The following PRDM15 variants were observed in gnomAD, a reference collection of about 807,000 sequenced individuals.
PRDM15 encodes PR/SET domain 15, also known as PR domain zinc finger protein 15.
A neutral mutation model predicts 128.6 loss-of-function variants in PRDM15; 64 were observed. The ratio of observed to expected loss-of-function variants is 0.50; its 90% CI spans 0.41 to 0.61. PRDM15 has a LOEUF of 0.61. Among genes scored for constraint, PRDM15 ranks in the 20% least tolerant of loss-of-function variants. The pLI is 0.00. For synonymous variants in PRDM15, 615 were observed against 621.8 expected, an observed-to-expected ratio of 0.99 and a Z score of 0.16; for missense variants, 1,242 against 1,569.1, an observed-to-expected ratio of 0.79 and a Z score of 3.52.
intron 18 of PRDM15, among the ~76,000 whole-genome samples, chr21:41,817,674 G>A (rs901646504): frequency 6.6e-5 from 10 of 151,810 alleles, no homozygotes; most frequent in Non-Finnish European, 1.2e-4. Context: ...TACATGTTCC[G>A]ATATAAAAAG....
intron 1 of PRDM15, chr21:41,861,931 G>C: frequency 6.2e-7 from 1 of 1,613,610 alleles, no homozygotes; most frequent in South Asian, 1.1e-5. Context: ...ACACATTCAC[G>C]TTCAAAGGTA....
rs2063852046 is a variant in PRDM15 at position 41,862,497 on chromosome 21, AC to A, written c.-9-2126del. Among the ~76,000 whole-genome samples the A allele has an allele frequency of 6.6e-6, 1 of 152,122 alleles. No homozygotes were observed. The highest frequency in any genetic ancestry group is 1.5e-5 in the Non-Finnish European group (1 of 68,028). On this transcript the variant is annotated intron_variant, in intron 1 of 23. Coordinates refer to ENST00000398548, the MANE Select transcript of PRDM15 (RefSeq NM_001040424.3). This position sits in a 1 kb window ranked among gnomAD's most constrained non-coding sequence, Gnocchi z 4.1. ...CTGAGCGGAGCTGCTGGGAGAGGAA[AC>A]CCAGAAGAGAGGGGCGAGGGAAGCT...
chr21:41,852,354 T>A (rs2063455200), intron 5 of PRDM15, among the ~76,000 whole-genome samples: 1 of 152,214 alleles, frequency 6.6e-6, no homozygotes, highest in Admixed American at 6.5e-5. Context: ...CCTTCAGGAA[T>A]TCCAGACACA....
chr21:41,846,040 C>T (rs1404715365), intron 6 of PRDM15, among the ~76,000 whole-genome samples: 8 of 152,022 alleles, frequency 5.3e-5, no homozygotes, highest in African/African-American at 1.2e-4. Flanking sequence ...ATGACACATT[C>T]GTAAATTCAT....
chr21:41,849,418 A>G (rs919322333), intron 5 of PRDM15, among the ~76,000 whole-genome samples: 3 of 152,092 alleles, frequency 2.0e-5, no homozygotes, highest in African/African-American at 7.2e-5. Context: ...AAAATGCACA[A>G]ATTAGCCAGG....
intron 6 of PRDM15, among the ~76,000 whole-genome samples, 172 bp downstream of exon 6, chr21:41,846,918 A>G (rs1273813534): frequency 6.6e-6 from 1 of 152,238 alleles, no homozygotes; most frequent in East Asian, 1.9e-4. Context: ...GGGACTGCCC[A>G]GAAGCTTTAA....
intron 1 of PRDM15, chr21:41,867,472 G>T: frequency 2.0e-6 from 2 of 982,632 alleles, no homozygotes; most frequent in Non-Finnish European, 3.1e-6. Flanking sequence ...TCACTATGTT[G>T]CCCAGGCTGG....
At chr21:41,822,113 A>G in intron 14 of PRDM15, 76 bp from the exon 15 acceptor site, 1 of 1,588,084 alleles carries the variant, frequency 6.3e-7, no homozygotes, top group Non-Finnish European at 8.6e-7. Flanking sequence ...CGCAGGGACG[A>G]CCAATCATTT....
rs199654026 is a variant in PRDM15 at position 41,815,708 on chromosome 21, T to C, written c.2389A>G (p.Thr797Ala). ...VNMLKHCKRH[T>A]GIKDFMCELC... is the part of the protein sequence containing the mutation. The stretch of plus-strand genomic sequence containing the variant: ...GCGGCCCGGGCCTCGGACTCACCCG[T>C]GTGCCGCTTGCAGTGCTTGAGCATG... Residue 797 changes from threonine (T) to alanine (A), a missense_variant, in exon 19 of 24, where the codon ACG becomes GCG. This residue lies in a region of PRDM15 where 602 missense variants were observed against 788.3 expected (regional missense o/e 0.76). Transcript: ENST00000398548. 73 of 1,613,346 alleles carry C rather than the reference T, an allele frequency of 4.5e-5. No individual in the cohort carries two copies. Among genetic ancestry groups the C allele is most frequent in the Non-Finnish European group, 8.5e-7 (1 of 1,179,890 alleles).
In PRDM15 at chr21:41,878,758, G is replaced by C. The variant is rs1360054459; in HGVS notation, c.-10+512C>G. ...GGGACCCCCCCGTGCGACCCGCATGGGCTGTACCCGAGGGCGGGGGATAAC... is the reference window on the plus strand; with the variant it reads ...GGGACCCCCCCGTGCGACCCGCATGCGCTGTACCCGAGGGCGGGGGATAAC... On this transcript the variant is annotated intron_variant, in intron 1 of 23. Coordinates refer to ENST00000398548, the MANE Select transcript of PRDM15 (RefSeq NM_001040424.3). The C allele has an allele frequency of 5.3e-6, 8 of 1,517,490 alleles. No individual in the cohort carries two copies. The highest frequency in any genetic ancestry group is 7.0e-6 in the Non-Finnish European group (8 of 1,135,014). 94.0% of individuals were successfully genotyped at this position (1,517,490 alleles called of 1,614,324 possible). A position where few individuals can be genotyped will look rare whatever the true frequency, so the allele number is the denominator to read the frequency against.
intron 19 of PRDM15, among the ~76,000 whole-genome samples, chr21:41,815,371 C>T (rs1325015490): frequency 6.6e-6 from 1 of 152,228 alleles, no homozygotes; most frequent in East Asian, 1.9e-4. Context: ...ACCTTGCATG[C>T]ACATCCCTGG....
At chr21:41,878,510 G>A (rs1032760401) in intron 1 of PRDM15, among the ~76,000 whole-genome samples, 2 of 152,132 alleles carry the variant, frequency 1.3e-5, no homozygotes, top group South Asian at 4.1e-4. Context: ...GACGCTGCGC[G>A]TGGCCCCCGT....
Position 41,804,590 on chromosome 21 carries a change from G to T in PRDM15, c.2677C>A (p.Leu893Met). 6.4e-7 allele frequency: 1 copy of T among 1,569,512 alleles called. No individual in the cohort carries two copies. ...PEVLAVRIDDLDHLPETTTID... is the reference protein window; with the variant it reads ...PEVLAVRIDDMDHLPETTTID... Reference sequence around the variant, plus strand: ...GTGGTGGTCTCCGGGAGGTGGTCCAGGTCATCGATCCTCACCGCGAGCACC... The same window carrying T: ...GTGGTGGTCTCCGGGAGGTGGTCCATGTCATCGATCCTCACCGCGAGCACC... The change falls in exon 22 of 24, where the codon CTG becomes ATG. Residue 893 changes from leucine (L) to methionine (M), a missense_variant. Leu to Met is a conservative substitution (Grantham distance 15, BLOSUM62 2). Coordinates refer to ENST00000398548, the MANE Select transcript of PRDM15 (RefSeq NM_001040424.3).
rs1449545814 is a variant in PRDM15, at chr21:41,859,663, G to A, written c.60C>T (p.Tyr20=). Residue 20 remains tyrosine (Y), a synonymous_variant, in exon 3 of 24, where the codon TAC becomes TAT. Coordinates refer to ENST00000398548, the MANE Select transcript of PRDM15 (RefSeq NM_001040424.3). The surrounding 1 kb of genome is among the most constrained non-coding windows in gnomAD (Gnocchi z 5.3). ...MFIWCEDCSQ[Y]HDSECPELGP... The stretch of plus-strand genomic sequence containing the variant: ...CCAGCTCGGGACATTCGGAGTCGTG[G>A]TACTGGCTGCAGTCTTCACACCCTG... The A allele has an allele frequency of 4.3e-6, 7 of 1,613,906 alleles. No individual in the cohort carries two copies. The highest frequency in any genetic ancestry group is 2.5e-6 in the Non-Finnish European group (3 of 1,179,972).
In PRDM15 at chr21:41,862,934, T is replaced by C. The variant is rs1388632710; in HGVS notation, c.-9-2562A>G. ...TCTGTAATCCCAGCACTTTCAGAGA[T>C]GAGGACGGGCGATCACTTCAGGTCA... On this transcript the variant is annotated intron_variant, in intron 1 of 23. Coordinates refer to ENST00000398548, the MANE Select transcript of PRDM15 (RefSeq NM_001040424.3). This position sits in a 1 kb window ranked among gnomAD's most constrained non-coding sequence, Gnocchi z 4.1. Among the ~76,000 whole-genome samples, 1 of 151,966 alleles carries C rather than the reference T, an allele frequency of 6.6e-6. No individual in the cohort carries two copies. Among genetic ancestry groups the C allele is most frequent in the Non-Finnish European group, 1.5e-5 (1 of 68,008 alleles).
intron 5 of PRDM15, 128 bp from the exon 6 acceptor site, chr21:41,847,319 G>A: frequency 1.6e-6 from 1 of 628,934 alleles, no homozygotes; most frequent in South Asian, 2.0e-5. Context: ...CAGCAGACGG[G>A]CCTGTGGTCA....
Position 41,878,820 on chromosome 21 carries a change from CGGCGGGGGCCGCGGGGCCGCGGGCCGG to C in PRDM15, c.-10+423_-10+449del, listed in dbSNP as rs752806559. 6 of 1,114,670 alleles carry C rather than the reference CGGCGGGGGCCGCGGGGCCGCGGGCCGG, an allele frequency of 5.4e-6. No individual in the cohort carries two copies. In the South Asian group the frequency reaches 2.4e-4, roughly 45 times the overall value. 69.0% of individuals were successfully genotyped at this position (1,114,670 alleles called of 1,614,324 possible). A position where few individuals can be genotyped will look rare whatever the true frequency, so the allele number is the denominator to read the frequency against. On this transcript the variant is annotated intron_variant, in intron 1 of 23. Coordinates refer to ENST00000398548, the MANE Select transcript of PRDM15 (RefSeq NM_001040424.3). ...GGGCCTCGGCGACGACGCCGCCCGG[CGGCGGGGGCCGCGGGGCCGCGGGCCGG>C]GGCGGCGAAGACCCTGCGCCGCGCC...
At chr21:41,815,876 C>T (rs747944025) in intron 18 of PRDM15, 40 bp from the exon 19 acceptor site, 22 of 1,606,142 alleles carry the variant, frequency 1.4e-5, no homozygotes, top group South Asian at 4.4e-5. Context: ...CACACCCCCA[C>T]GCAGCCCACC....
rs764265376 is a variant in PRDM15 at position 41,810,107 on chromosome 21, G to T, written c.2652+47C>A. The T allele has an allele frequency of 1.3e-6, 2 of 1,566,438 alleles. No individual in the cohort carries two copies. Among genetic ancestry groups the T allele is most frequent in the Non-Finnish European group, 1.7e-6 (2 of 1,156,428 alleles). ...ATGTGCCAGCATGGGGGTGTCCGGT[G>T]CGCGGCCCGCTGGCGGGGCACGGAG... On this transcript the variant is annotated intron_variant, in intron 21 of 23. Coordinates refer to ENST00000398548, the MANE Select transcript of PRDM15 (RefSeq NM_001040424.3). This position sits in a 1 kb window ranked among gnomAD's most constrained non-coding sequence, Gnocchi z 6.4.
Sources: gnomAD v4.1 joint callset for allele counts (sites outside exome capture counted in the v4.1 genomes callset) on GRCh38, gnomAD v4.1.1 for gene constraint, gnomAD v4.1.1 regional missense constraint, Gnocchi (gnomAD v3.1) non-coding constraint, MANE v1.5 for transcripts, NCBI Gene and HGNC (gene_info 2026-07-23, HGNC 2026-07-21) for gene names.